CD244: variants seen among roughly 807,000 people sequenced by gnomAD.
CD244 encodes natural killer cell receptor 2B4.
A neutral mutation model predicts 45.5 loss-of-function variants in CD244; 20 were observed. The ratio of observed to expected loss-of-function variants is 0.44; its 90% CI spans 0.31 to 0.64. CD244 has a LOEUF of 0.64. Among genes scored for constraint, CD244 ranks in the 30% least tolerant of loss-of-function variants. The pLI is 0.08. For missense variants in CD244, 407 were observed against 426.9 expected, an observed-to-expected ratio of 0.95 and a Z score of 0.41; for synonymous variants, 185 against 160.5, an observed-to-expected ratio of 1.15 and a Z score of -1.15.
rs1272768888 is a variant in CD244 at position 160,839,025 on chromosome 1, A to G, written c.680T>C (p.Val227Ala). 1 of 1,613,950 alleles carries G rather than the reference A, an allele frequency of 6.2e-7. No homozygotes were observed. The highest frequency in any genetic ancestry group is 1.3e-5 in the African/African-American group (1 of 75,026). ...HQEFRFWPFL[V>A]IIVILSALFL... ...CAGTGCGCTTAGAATCACGATGATC[A>G]CCAAAAACGGCCAAAATCTGAATTC... Residue 227 changes from valine (V) to alanine (A), a missense_variant, in exon 4 of 9, where the codon GTG becomes GCG. Val to Ala is a moderately conservative substitution (Grantham distance 64). Transcript: ENST00000368034.
intron 4 of CD244, 116 bp from the exon 5 acceptor site, chr1:160,838,634 G>A: frequency 2.5e-6 from 2 of 789,916 alleles, no homozygotes; most frequent in South Asian, 2.9e-5. Context: ...TTCTAGAAAG[G>A]AGGCAAGTTA....
chr1:160,862,101 C>G (rs1034367440), intron 1 of CD244, among the ~76,000 whole-genome samples: 2 of 152,176 alleles, frequency 1.3e-5, no homozygotes, highest in Non-Finnish European at 2.9e-5. Context: ...GCTCCTGTGG[C>G]ATCTGGATGG....
intron 1 of CD244, among the ~76,000 whole-genome samples, chr1:160,855,333 T>C (rs190774938): frequency 5.6e-4 from 86 of 152,306 alleles, no homozygotes; most frequent in Non-Finnish European, 1.8e-4. Flanking sequence ...AATCTGTAGC[T>C]GCTCTTTGTT....
chr1:160,836,198 G>A lies in CD244; in HGVS notation c.891C>T (p.Ser297=). 4 of 1,613,156 alleles carry A rather than the reference G, an allele frequency of 2.5e-6. No individual in the cohort carries two copies. Among genetic ancestry groups the A allele is most frequent in the Non-Finnish European group, 3.4e-6 (4 of 1,179,118 alleles). Residue 297 remains serine (S), a synonymous_variant, in exon 6 of 9, where the codon TCC becomes TCT. Coordinates refer to ENST00000368034, the MANE Select transcript of CD244 (RefSeq NM_016382.4). ...ACTAGAGAAACTGGAGAGGTACCTG[G>A]GACTGGATCATAGAGTAGATGGTGC... ...GGSTIYSMIQ[S]QSSAPTSQEP... is the part of the protein sequence containing the mutation.
In CD244 at chr1:160,834,107, G is replaced by C; in HGVS notation, c.904C>G (p.Pro302Ala). 1 of 1,605,830 alleles carries C rather than the reference G, an allele frequency of 6.2e-7. No individual in the cohort carries two copies. The highest frequency in any genetic ancestry group is 8.5e-7 in the Non-Finnish European group (1 of 1,172,488). The stretch of plus-strand genomic sequence containing the variant: ...GTATATGCAGGTTCTTGTGACGTGG[G>C]AGCAGAAGACTAATGAGAAGAGAAA... ...YSMIQSQSSA[P>A]TSQEPAYTLY... The change falls in exon 7 of 9, where the codon CCC becomes GCC. Residue 302 changes from proline to alanine, a missense_variant. By Grantham distance (27) the Pro-to-Ala change is conservative (BLOSUM62 -1). Transcript: ENST00000368034.
At chr1:160,848,444 G>A in intron 1 of CD244, 1 of 550,314 alleles carries the variant, frequency 1.8e-6, no homozygotes, top group South Asian at 1.4e-5. Flanking sequence ...GGAGCCCTTT[G>A]GGTCCAGGAA....
At chr1:160,831,930 T>G (rs1330834203) in intron 8 of CD244, among the ~76,000 whole-genome samples, 2 of 152,180 alleles carry the variant, frequency 1.3e-5, no homozygotes, top group African/African-American at 4.8e-5. Context: ...CTTGTAGCAT[T>G]CTGTGAGGAC....
At chr1:160,850,499 G>A (rs1669883970) in intron 1 of CD244, among the ~76,000 whole-genome samples, 1 of 152,108 alleles carries the variant, frequency 6.6e-6, no homozygotes, top group African/African-American at 2.4e-5. Context: ...AAATGTAAAA[G>A]ACATAGAATA....
At chr1:160,845,176 A>G (rs1186327289) in intron 1 of CD244, among the ~76,000 whole-genome samples, 1 of 152,140 alleles carries the variant, frequency 6.6e-6, no homozygotes, top group African/African-American at 2.4e-5. Context: ...TTATGCAGCA[A>G]TAGTTACCTG....
chr1:160,836,998 T>C (rs138945935), intron 5 of CD244, among the ~76,000 whole-genome samples: 1 of 152,324 alleles, frequency 6.6e-6, no homozygotes, highest in Non-Finnish European at 1.5e-5. Flanking sequence ...TGTCAATAAC[T>C]TCATTTGTGT....
chr1:160,854,913 C>T (rs981011593), intron 1 of CD244, among the ~76,000 whole-genome samples: 1 of 152,056 alleles, frequency 6.6e-6, no homozygotes, highest in East Asian at 1.9e-4. Context: ...GGTAGGAAGC[C>T]CACAGAAAAG....
intron 7 of CD244, chr1:160,832,868 GTGTATA>G: frequency 3.2e-6 from 1 of 316,134 alleles, no homozygotes; most frequent in Non-Finnish European, 5.9e-6. Context: ...GTGTGTGTGT[GTGTATA>G]TATATATATA....
intron 1 of CD244, among the ~76,000 whole-genome samples, chr1:160,862,315 G>A (rs576876876): frequency 1.8e-4 from 28 of 152,226 alleles, no homozygotes; most frequent in East Asian, 1.2e-3. Flanking sequence ...CTTTACAGGC[G>A]GCTGGAAGGA....
intron 1 of CD244, among the ~76,000 whole-genome samples, chr1:160,858,050 A>G (rs930974622): frequency 2.0e-5 from 3 of 149,946 alleles, no homozygotes; most frequent in Non-Finnish European, 4.4e-5. Flanking sequence ...CTGTCTCACA[A>G]AAAAATAAAA....
rs766874436 is a variant in CD244, at chr1:160,832,559, C to G, written c.977G>C (p.Arg326Thr). Residue 326 changes from arginine to threonine, a missense_variant, in exon 8 of 9, where the codon AGG becomes ACG. Coordinates refer to ENST00000368034, the MANE Select transcript of CD244 (RefSeq NM_016382.4). ...QPSRKSGSRK[R>T]NHSPSFNSTI... Reference sequence around the variant, plus strand: ...GCTATTGAAGGAAGGGCTGTGGTTCCTCTTCCTGGATCCAGACTAGAAATT... The same window carrying G: ...GCTATTGAAGGAAGGGCTGTGGTTCGTCTTCCTGGATCCAGACTAGAAATT... 1.2e-6 allele frequency: 2 copies of G among 1,612,440 alleles called. No homozygotes were observed. Among genetic ancestry groups the G allele is most frequent in the Non-Finnish European group, 1.7e-6 (2 of 1,179,100 alleles).
In CD244 at chr1:160,830,319, C is replaced by G. The variant is rs750483311; in HGVS notation, c.*1028G>C. 6.6e-5 allele frequency: 10 copies of G among 152,426 alleles called. No individual in the cohort carries two copies. Among genetic ancestry groups the G allele is most frequent in the Non-Finnish European group, 1.3e-4 (9 of 68,098 alleles). 9.4% of individuals were successfully genotyped at this position (152,426 alleles called of 1,614,324 possible). On this transcript the variant is annotated 3_prime_UTR_variant, in exon 9 of 9. Coordinates refer to ENST00000368034, the MANE Select transcript of CD244 (RefSeq NM_016382.4). Reference sequence around the variant, plus strand: ...GTTGGGGTCTCTGAGTAAGTCCTCTCCCAGTTCACCCTTGTCGCTTTCCTG... The same window carrying G: ...GTTGGGGTCTCTGAGTAAGTCCTCTGCCAGTTCACCCTTGTCGCTTTCCTG...
chr1:160,849,052 T>C (rs1477137928), intron 1 of CD244, among the ~76,000 whole-genome samples: 2 of 152,140 alleles, frequency 1.3e-5, no homozygotes, highest in Non-Finnish European at 2.9e-5. Flanking sequence ...GCCTCTGTGG[T>C]CTGACACTCT....
intron 1 of CD244, among the ~76,000 whole-genome samples, chr1:160,856,151 G>C (rs1670098352): frequency 6.6e-6 from 1 of 152,222 alleles, no homozygotes; most frequent in Non-Finnish European, 1.5e-5. Flanking sequence ...AGTCCAGTGA[G>C]ATTCCAAAAG....
intron 1 of CD244, among the ~76,000 whole-genome samples, chr1:160,861,363 C>T (rs1025774604): frequency 2.0e-5 from 3 of 152,182 alleles, no homozygotes; most frequent in Admixed American, 6.5e-5. Context: ...CTCAGGGACT[C>T]GGTAACTGAA....
Sources: gnomAD v4.1 joint callset for allele counts (sites outside exome capture counted in the v4.1 genomes callset) on GRCh38, gnomAD v4.1.1 for gene constraint, MANE v1.5 for transcripts, NCBI Gene and HGNC (gene_info 2026-07-23, HGNC 2026-07-21) for gene names.